Variants in NPFFR2 observed in about 807,000 individuals in gnomAD.
The protein encoded by NPFFR2 is G-protein coupled receptor 74.
In NPFFR2, 15 loss-of-function variants were observed where a neutral mutation model predicts 13.1. The ratio of observed to expected loss-of-function variants is 1.15; its 90% CI spans 0.77 to 1.76. The LOEUF (loss-of-function observed/expected upper bound fraction) is 1.76. NPFFR2 is among the 40% of genes most tolerant of loss of function. The probability of loss-of-function intolerance (pLI) is 0.00; values close to 1 mark genes in which losing one functional copy is unlikely to be tolerated. For synonymous variants in NPFFR2, 190 were observed against 175.7 expected, an observed-to-expected ratio of 1.08 and a Z score of -0.65; for missense variants, 572 against 503.5, an observed-to-expected ratio of 1.14 and a Z score of -1.30.
chr4:72,141,027 A>G (rs1722599493), intron 3 of NPFFR2, among the ~76,000 whole-genome samples: 1 of 151,464 alleles, frequency 6.6e-6, no homozygotes, highest in African/African-American at 2.4e-5. Context: ...TTTCTTTTAG[A>G]TTTTCTAGTT....
intron 1 of NPFFR2, among the ~76,000 whole-genome samples, chr4:72,092,538 A>G (rs1300126595): frequency 1.3e-5 from 2 of 151,978 alleles, no homozygotes; most frequent in Non-Finnish European, 2.9e-5. Context: ...ATGCATATGT[A>G]TTTTGGATTG....
In NPFFR2 at chr4:72,124,831, C is replaced by T. The variant is rs188158303; in HGVS notation, c.-7-3754C>T. ...AACCATAAAAACCCTAGAAGAAAAC[C>T]TAGGCAATACCATTCAGGACATAGG... On this transcript the variant is annotated intron_variant, in intron 1 of 3. Coordinates refer to ENST00000308744, the MANE Select transcript of NPFFR2 (RefSeq NM_004885.3). Among the ~76,000 whole-genome samples, 484 of 152,198 alleles carry T rather than the reference C, an allele frequency of 3.2e-3. 5 individuals carry two copies. Among genetic ancestry groups the T allele is most frequent in the African/African-American group, 0.011 (457 of 41,548 alleles).
intron 1 of NPFFR2, among the ~76,000 whole-genome samples, chr4:72,093,784 C>A (rs1243045353): frequency 6.8e-6 from 1 of 147,286 alleles, no homozygotes; most frequent in African/African-American, 2.5e-5. Context: ...TTCTTTGGTG[C>A]CTCTTGGATT....
At chr4:72,038,636 T>C (rs558635275) in intron 1 of NPFFR2, among the ~76,000 whole-genome samples, 2 of 152,140 alleles carry the variant, frequency 1.3e-5, no homozygotes, top group Non-Finnish European at 2.9e-5. Context: ...CATTTTAATA[T>C]ACATTCAGGT....
intron 1 of NPFFR2, among the ~76,000 whole-genome samples, chr4:72,076,404 T>C (rs1027230444): frequency 6.6e-6 from 1 of 152,104 alleles, no homozygotes; most frequent in Non-Finnish European, 1.5e-5. Context: ...TATGTACTCA[T>C]TTATATCTCC....
intron 1 of NPFFR2, among the ~76,000 whole-genome samples, chr4:72,124,717 C>A (rs1560418451): frequency 6.6e-6 from 1 of 152,072 alleles, no homozygotes; most frequent in Non-Finnish European, 1.5e-5. Flanking sequence ...AACTGGCTAG[C>A]CATATGTAGA....
intron 3 of NPFFR2, among the ~76,000 whole-genome samples, chr4:72,139,153 T>A (rs565730997): frequency 6.6e-6 from 1 of 152,350 alleles, no homozygotes; most frequent in South Asian, 2.1e-4. Context: ...AGATTCTGGA[T>A]ATTAGCCCTT....
intron 2 of NPFFR2, among the ~76,000 whole-genome samples, chr4:72,134,244 A>G (rs1028248525): frequency 6.6e-6 from 1 of 152,180 alleles, no homozygotes; most frequent in Non-Finnish European, 1.5e-5. Flanking sequence ...AGCCTGGGTG[A>G]CAGAGAGAGA....
At chr4:72,126,565 C>T (rs1009720787) in intron 1 of NPFFR2, among the ~76,000 whole-genome samples, 2 of 152,298 alleles carry the variant, frequency 1.3e-5, no homozygotes, top group African/African-American at 2.4e-5. Flanking sequence ...TACTGATACA[C>T]AGGTTTACTT....
At chr4:72,110,781 T>C (rs1721544027) in intron 1 of NPFFR2, among the ~76,000 whole-genome samples, 1 of 152,034 alleles carries the variant, frequency 6.6e-6, no homozygotes, top group Non-Finnish European at 1.5e-5. Flanking sequence ...GTGCATCTAA[T>C]ATTATCTGTG....
At chr4:72,145,144 T>G (rs1560425588) in intron 3 of NPFFR2, among the ~76,000 whole-genome samples, 1 of 151,684 alleles carries the variant, frequency 6.6e-6, no homozygotes, top group Non-Finnish European at 1.5e-5. Flanking sequence ...CTATTCTCTA[T>G]CTTATTCATC....
intron 1 of NPFFR2, among the ~76,000 whole-genome samples, chr4:72,096,272 A>G (rs927594645): frequency 6.6e-6 from 1 of 152,212 alleles, no homozygotes; most frequent in Non-Finnish European, 1.5e-5. Context: ...TTTTGAACCT[A>G]AAGCTGAATA....
At position 72,112,536 on chromosome 4, in the gene NPFFR2, A is replaced by G. The variant is rs1721592592; in HGVS notation, c.-7-16049A>G. Among the ~76,000 whole-genome samples, 13 of 152,022 alleles carry G rather than the reference A, an allele frequency of 8.6e-5. 1 individual carries two copies. The South Asian group carries it at 2.7e-3, about 31-fold the overall frequency. On this transcript the variant is annotated intron_variant, in intron 1 of 3. Coordinates refer to ENST00000308744, the MANE Select transcript of NPFFR2 (RefSeq NM_004885.3). ...CTTGGTTTCCCATTACATAAGGAGA[A>G]CAGGAGACAGAAGCTCTCCAAAGTA...
At chr4:72,134,804 CACGTTACTCCCAGGGCAGA>C (rs1175042743) in intron 2 of NPFFR2, among the ~76,000 whole-genome samples, 1 of 152,046 alleles carries the variant, frequency 6.6e-6, no homozygotes. Flanking sequence ...TTTATAGGAA[CACGTTACTCCCAGGGCAGA>C]GCAGCTCCTG....
intron 1 of NPFFR2, among the ~76,000 whole-genome samples, chr4:72,082,258 G>A (rs908947345): frequency 6.6e-6 from 1 of 152,156 alleles, no homozygotes; most frequent in African/African-American, 2.4e-5. Flanking sequence ...CCACTTTCAA[G>A]ACAACTTCCT....
intron 1 of NPFFR2, among the ~76,000 whole-genome samples, chr4:72,054,003 A>G (rs756603832): frequency 6.6e-5 from 10 of 151,872 alleles, no homozygotes; most frequent in Non-Finnish European, 1.3e-4. Flanking sequence ...TACATTTATG[A>G]GAAACTCAAT....
chr4:72,101,217 T>C (rs896340717), intron 1 of NPFFR2, among the ~76,000 whole-genome samples: 1 of 152,062 alleles, frequency 6.6e-6, no homozygotes, highest in African/African-American at 2.4e-5. Context: ...ACTGAGGTAA[T>C]TCACATGCCA....
intron 1 of NPFFR2, among the ~76,000 whole-genome samples, chr4:72,096,869 A>G (rs559463357): frequency 3.0e-4 from 45 of 152,232 alleles, no homozygotes; most frequent in African/African-American, 1.1e-3. Flanking sequence ...TCATTGTAAA[A>G]TAAAAAAATT....
At chr4:72,101,453 TAATAAAATATTTA>T (rs1418687911) in intron 1 of NPFFR2, among the ~76,000 whole-genome samples, 1 of 151,422 alleles carries the variant, frequency 6.6e-6, no homozygotes, top group Non-Finnish European at 1.5e-5. Flanking sequence ...ATAGGTACAT[TAATAAAATATTTA>T]AATAAAATAT....
Sources: gnomAD v4.1 joint callset for allele counts (sites outside exome capture counted in the v4.1 genomes callset) on GRCh38, gnomAD v4.1.1 for gene constraint, MANE v1.5 for transcripts, NCBI Gene and HGNC (gene_info 2026-07-23, HGNC 2026-07-21) for gene names.